CDK14: variants seen among roughly 807,000 people sequenced by gnomAD.
CDK14 encodes the protein cyclin-dependent kinase 14.
In CDK14, 34 loss-of-function variants were observed where a neutral mutation model predicts 60.7. That is an observed-to-expected ratio of 0.56 (90% CI 0.43 to 0.75). CDK14 has a LOEUF of 0.75. CDK14 is among the 30% of genes least tolerant of loss of function. The probability of loss-of-function intolerance (pLI) is 0.00; values close to 1 mark genes in which losing one functional copy is unlikely to be tolerated. For missense variants in CDK14, 482 were observed against 564.1 expected, an observed-to-expected ratio of 0.85 and a Z score of 1.47; for synonymous variants, 197 against 203.7, an observed-to-expected ratio of 0.97 and a Z score of 0.28.
chr7:90,777,907 T>C (rs1213635092), intron 4 of CDK14, among the ~76,000 whole-genome samples: 1 of 152,240 alleles, frequency 6.6e-6, no homozygotes, highest in African/African-American at 2.4e-5. Flanking sequence ...TCATGTTTCT[T>C]AATGTGTGCC....
At position 90,602,900 on chromosome 7, in the gene CDK14, G is replaced by A. The variant is rs529505980; in HGVS notation, c.92-1318G>A. ...AACTCACCGCAATCACATTCTTCTTGAAAACACAAATATATGAAACAGAGA... is the reference window on the plus strand; with the variant it reads ...AACTCACCGCAATCACATTCTTCTTAAAAACACAAATATATGAAACAGAGA... On this transcript the variant is annotated intron_variant, in intron 1 of 14. Coordinates refer to ENST00000380050, the MANE Select transcript of CDK14 (RefSeq NM_001287135.2). Among the ~76,000 whole-genome samples, 186 of 152,266 alleles carry A rather than the reference G, an allele frequency of 1.2e-3. 1 individual carries two copies. Among genetic ancestry groups the A allele is most frequent in the Middle Eastern group, 3.4e-3 (1 of 294 alleles).
chr7:90,784,656 T>G (rs1805493126), intron 4 of CDK14, among the ~76,000 whole-genome samples: 1 of 152,232 alleles, frequency 6.6e-6, no homozygotes, highest in South Asian at 2.1e-4. Context: ...GTGTAATTAC[T>G]GACAGTTTAC....
intron 4 of CDK14, among the ~76,000 whole-genome samples, chr7:90,787,092 T>C (rs1206755468): frequency 6.6e-6 from 1 of 152,170 alleles, no homozygotes; most frequent in African/African-American, 2.4e-5. Flanking sequence ...TTGTTGAGTG[T>C]TGAGACACGT....
chr7:90,664,490 G>A (rs137915558), intron 2 of CDK14, among the ~76,000 whole-genome samples: 2,168 of 152,268 alleles, frequency 0.014, 25 homozygotes, highest in Non-Finnish European at 0.02. Context: ...ACATGGGCAC[G>A]TATGTTTATA....
chr7:91,162,042 T>C (rs1461300963), intron 14 of CDK14, among the ~76,000 whole-genome samples: 1 of 152,204 alleles, frequency 6.6e-6, no homozygotes, highest in African/African-American at 2.4e-5. Context: ...AACTTTTCTC[T>C]TGATATCTTA....
intron 10 of CDK14, among the ~76,000 whole-genome samples, chr7:91,015,521 GTTTTTTTT>G (rs10710645): frequency 0.026 from 2,045 of 77,818 alleles, 107 homozygotes; most frequent in East Asian, 0.24. Flanking sequence ...TATGTCTTGG[GTTTTTTTT>G]TTTTTTTTTT....
chr7:90,600,580 G>C (rs915423055), intron 1 of CDK14, among the ~76,000 whole-genome samples: 1 of 152,180 alleles, frequency 6.6e-6, no homozygotes, highest in African/African-American at 2.4e-5. Flanking sequence ...CTGAACTTTG[G>C]GGTTTGTTAC....
intron 2 of CDK14, among the ~76,000 whole-genome samples, chr7:90,620,872 A>G (rs1799751135): frequency 6.6e-6 from 1 of 152,192 alleles, no homozygotes; most frequent in Admixed American, 6.5e-5. Flanking sequence ...CTGAGTCTGT[A>G]AAGTCCAAAT....
At chr7:90,654,510 C>T (rs1358163172) in intron 2 of CDK14, among the ~76,000 whole-genome samples, 1 of 152,120 alleles carries the variant, frequency 6.6e-6, no homozygotes, top group Admixed American at 6.5e-5. Flanking sequence ...TGTAAAGTGA[C>T]TGAAACTTTG....
At chr7:90,954,065 T>C (rs1794335771) in intron 8 of CDK14, among the ~76,000 whole-genome samples, 1 of 152,208 alleles carries the variant, frequency 6.6e-6, no homozygotes, top group South Asian at 2.1e-4. Context: ...GTCTGTGTGG[T>C]ATAATCTGTA....
At chr7:90,939,931 G>T (rs912411964) in intron 8 of CDK14, among the ~76,000 whole-genome samples, 3 of 152,048 alleles carry the variant, frequency 2.0e-5, no homozygotes, top group Non-Finnish European at 2.9e-5. Context: ...CAGTTTTCCT[G>T]CCATGCCATG....
At chr7:90,929,090 G>C (rs896161139) in intron 8 of CDK14, among the ~76,000 whole-genome samples, 2 of 152,214 alleles carry the variant, frequency 1.3e-5, no homozygotes, top group Admixed American at 6.5e-5. Context: ...ATTAGGGTGG[G>C]AGTGTCTCGA....
chr7:91,140,143 TCA>T (rs1156488555), intron 14 of CDK14, among the ~76,000 whole-genome samples: 2 of 152,174 alleles, frequency 1.3e-5, no homozygotes, highest in Admixed American at 6.5e-5. Flanking sequence ...GGCAGCCTCC[TCA>T]CATGCTCAAA....
intron 2 of CDK14, among the ~76,000 whole-genome samples, chr7:90,625,115 G>C (rs1799849529): frequency 6.6e-6 from 1 of 152,146 alleles, no homozygotes; most frequent in Non-Finnish European, 1.5e-5. Context: ...TGCTTCGGGA[G>C]ATCAAGGAAG....
intron 5 of CDK14, among the ~76,000 whole-genome samples, chr7:90,808,773 T>C (rs1166138333): frequency 6.6e-6 from 1 of 152,056 alleles, no homozygotes; most frequent in African/African-American, 2.4e-5. Context: ...TGGAGGAAGA[T>C]CTACCAAGCA....
At chr7:90,945,663 C>T (rs1794079437) in intron 8 of CDK14, among the ~76,000 whole-genome samples, 1 of 152,154 alleles carries the variant, frequency 6.6e-6, no homozygotes, top group Admixed American at 6.5e-5. Context: ...TGCCCATTGG[C>T]CAAACCCAAC....
At chr7:90,732,099 A>G (rs1030081905) in intron 3 of CDK14, among the ~76,000 whole-genome samples, 5 of 152,086 alleles carry the variant, frequency 3.3e-5, no homozygotes, top group African/African-American at 1.2e-4. Context: ...TGAGATAATC[A>G]TGTGGTTTTT....
At chr7:90,824,695 T>C (rs893846342) in intron 5 of CDK14, 5 of 152,188 alleles carry the variant, frequency 3.3e-5, no homozygotes, top group East Asian at 1.9e-4. Context: ...AGAGATAATA[T>C]ACTTTGCCAT....
intron 14 of CDK14, among the ~76,000 whole-genome samples, chr7:91,136,441 A>G (rs1035600997): frequency 6.6e-6 from 1 of 152,202 alleles, no homozygotes; most frequent in Non-Finnish European, 1.5e-5. Flanking sequence ...CTAAAAACAT[A>G]GACTCTGAAT....
Sources: gnomAD v4.1 joint callset for allele counts (sites outside exome capture counted in the v4.1 genomes callset) on GRCh38, gnomAD v4.1.1 for gene constraint, MANE v1.5 for transcripts, NCBI Gene and HGNC (gene_info 2026-07-23, HGNC 2026-07-21) for gene names.